Variants in EBPL observed in about 807,000 individuals in gnomAD.
The protein encoded by EBPL is emopamil-binding protein-like.
In EBPL, 20 loss-of-function variants were observed where a neutral mutation model predicts 19.0. The ratio of observed to expected loss-of-function variants is 1.05; its 90% CI spans 0.74 to 1.53. The LOEUF (loss-of-function observed/expected upper bound fraction) is 1.53, where lower values mean the gene tolerates loss of function less well. Among genes scored for constraint, EBPL ranks in the 40% most tolerant of loss-of-function variants. EBPL has a pLI of 0.00. For missense variants in EBPL, 219 were observed against 261.1 expected, an observed-to-expected ratio of 0.84 and a Z score of 1.11; for synonymous variants, 107 against 117.0, an observed-to-expected ratio of 0.91 and a Z score of 0.55.
intron 1 of EBPL, among the ~76,000 whole-genome samples, chr13:49,690,161 C>CA (rs1235351097): frequency 0.02 from 379 of 19,100 alleles, 3 homozygotes; most frequent in South Asian, 0.081. Flanking sequence ...AGAACAACAA[C>CA]AAAAAAAAAG....
chr13:49,677,891 C>G (rs1953893889), intron 1 of EBPL, among the ~76,000 whole-genome samples: 1 of 152,204 alleles, frequency 6.6e-6, no homozygotes, highest in Non-Finnish European at 1.5e-5. Context: ...GGTTCGTGGT[C>G]TCACTGGCCT....
intron 1 of EBPL, 144 bp downstream of exon 1, chr13:49,691,110 G>T: frequency 1.4e-6 from 1 of 734,212 alleles, no homozygotes; most frequent in Non-Finnish European, 1.8e-6. Flanking sequence ...GCCTCCAGGC[G>T]CCTCTCAGCT....
intron 1 of EBPL, among the ~76,000 whole-genome samples, chr13:49,689,537 C>T (rs1181467166): frequency 2.0e-5 from 3 of 151,994 alleles, no homozygotes; most frequent in South Asian, 2.1e-4. Context: ...TTAGTACAGA[C>T]GGGGTTTCAC....
At chr13:49,673,962 T>TACACACACACACACACACACACACAC (rs56323070) in intron 1 of EBPL, among the ~76,000 whole-genome samples, 18 of 143,270 alleles carry the variant, frequency 1.3e-4, no homozygotes, top group South Asian at 2.3e-4. Flanking sequence ...TGGAACTTAA[T>TACACACACACACACACACACACACAC]ACACACACAC....
rs1594407378 is a variant in EBPL at position 49,669,690 on chromosome 13, A to C, written c.241+87T>G. On this transcript the variant is annotated intron_variant, in intron 2 of 3. Coordinates refer to ENST00000242827, the MANE Select transcript of EBPL (RefSeq NM_032565.5). ...CTGGACATTTCATATAAATGAAGTC[A>C]TACAGTATATAATAGAGGCGTTTGA... 6.2e-6 allele frequency: 7 copies of C among 1,134,854 alleles called. No homozygotes were observed. The East Asian group carries it at 1.7e-4, about 27-fold the overall frequency. The allele number at this position is 1,134,854 out of a possible 1,614,324, so 70.3% of individuals were successfully genotyped here.
chr13:49,676,371 C>A (rs750971225), intron 1 of EBPL, among the ~76,000 whole-genome samples: 2 of 152,090 alleles, frequency 1.3e-5, no homozygotes, highest in Non-Finnish European at 2.9e-5. Context: ...GCGGACGGAC[C>A]ACAAGGTCAG....
At chr13:49,676,492 T>A (rs1420559517) in intron 1 of EBPL, among the ~76,000 whole-genome samples, 3 of 152,026 alleles carry the variant, frequency 2.0e-5, no homozygotes, top group Non-Finnish European at 4.4e-5. Flanking sequence ...CTGGGGAGGC[T>A]GAGGCAGGAG....
chr13:49,663,924 CA>C (rs537301913), intron 2 of EBPL, among the ~76,000 whole-genome samples: 62 of 102,892 alleles, frequency 6.0e-4, no homozygotes, highest in African/African-American at 6.0e-4. Flanking sequence ...GACTCCGTCT[CA>C]AAAAAAAAAA....
chr13:49,673,577 C>T (rs1953841772), intron 1 of EBPL, among the ~76,000 whole-genome samples: 1 of 152,122 alleles, frequency 6.6e-6, no homozygotes, highest in Non-Finnish European at 1.5e-5. Flanking sequence ...GCTGGGATTA[C>T]AGGAATGCAC....
intron 1 of EBPL, among the ~76,000 whole-genome samples, chr13:49,685,959 A>G (rs551754764): frequency 6.6e-6 from 1 of 152,296 alleles, no homozygotes; most frequent in East Asian, 1.9e-4. Flanking sequence ...GGTAATGCCC[A>G]GCTTCAGAGA....
intron 1 of EBPL, among the ~76,000 whole-genome samples, chr13:49,679,539 A>G (rs1355608055): frequency 6.6e-6 from 1 of 152,090 alleles, no homozygotes; most frequent in Non-Finnish European, 1.5e-5. Context: ...TTGTTCTGTC[A>G]CCCAGGCTGG....
intron 1 of EBPL, among the ~76,000 whole-genome samples, chr13:49,676,915 T>G (rs1212374194): frequency 6.6e-6 from 1 of 152,222 alleles, no homozygotes; most frequent in Non-Finnish European, 1.5e-5. Context: ...TTCCTAATTT[T>G]TTTTTAGTGA....
chr13:49,691,248 A>AT lies in EBPL; in HGVS notation c.171+5_171+6insA. The AT allele has an allele frequency of 7.2e-7, 1 of 1,383,458 alleles. No homozygotes were observed. The highest frequency in any genetic ancestry group is 9.4e-7 in the Non-Finnish European group (1 of 1,066,980). 85.7% of individuals were successfully genotyped at this position (1,383,458 alleles called of 1,614,324 possible). A position where few individuals can be genotyped will look rare whatever the true frequency, so the allele number is the denominator to read the frequency against. On this transcript the variant is annotated splice_donor_region_variant and intron_variant, in intron 1 of 3. Coordinates refer to ENST00000242827, the MANE Select transcript of EBPL (RefSeq NM_032565.5). Reference sequence around the variant, plus strand: ...GGGAGTGCAGGGTCTAGGCGATGGCACTTACCAGCGCGAAGTGCACCAGCG... The same window carrying AT: ...GGGAGTGCAGGGTCTAGGCGATGGCATCTTACCAGCGCGAAGTGCACCAGCG...
intron 1 of EBPL, among the ~76,000 whole-genome samples, chr13:49,678,670 C>T (rs919033452): frequency 6.6e-6 from 1 of 151,962 alleles, no homozygotes; most frequent in African/African-American, 2.4e-5. Flanking sequence ...TCCCTCCACA[C>T]CTCTCCACAA....
chr13:49,690,173 C>CAA (rs1332181431), intron 1 of EBPL, among the ~76,000 whole-genome samples: 26,632 of 95,732 alleles, frequency 0.28, 3,376 homozygotes, highest in Middle Eastern at 0.4. Flanking sequence ...AAAAAAAAGA[C>CAA]AAAAAAAAAA....
At chr13:49,666,040 T>G (rs1040225484) in intron 2 of EBPL, among the ~76,000 whole-genome samples, 1 of 152,218 alleles carries the variant, frequency 6.6e-6, no homozygotes, top group African/African-American at 2.4e-5. Flanking sequence ...GGTTTATTAG[T>G]TGCACACACT....
At chr13:49,688,705 C>G (rs1364752017) in intron 1 of EBPL, among the ~76,000 whole-genome samples, 4 of 124,958 alleles carry the variant, frequency 3.2e-5, no homozygotes, top group South Asian at 5.1e-4. Context: ...GGTAATAGAG[C>G]GAGACTCCGT....
intron 1 of EBPL, among the ~76,000 whole-genome samples, chr13:49,687,217 T>C (rs951004685): frequency 2.0e-5 from 3 of 152,158 alleles, no homozygotes; most frequent in African/African-American, 7.2e-5. Flanking sequence ...AGCCCCAAGA[T>C]CATGTCCACC....
intron 1 of EBPL, among the ~76,000 whole-genome samples, chr13:49,674,617 TAAAAA>T (rs11318543): frequency 6.9e-6 from 1 of 145,398 alleles, no homozygotes; most frequent in East Asian, 2.0e-4. Context: ...TGTCAGGACT[TAAAAA>T]AAAAAATTTA....
Sources: allele counts gnomAD v4.1 joint callset (sites outside exome capture counted in the v4.1 genomes callset), GRCh38; gene constraint gnomAD v4.1.1; transcripts MANE v1.5; gene names NCBI Gene and HGNC (gene_info 2026-07-23, HGNC 2026-07-21).